ESRP1: variants seen among roughly 807,000 people sequenced by gnomAD.
The protein encoded by ESRP1 is epithelial splicing regulatory protein 1.
In ESRP1, 33 loss-of-function variants were observed where a neutral mutation model predicts 81.7. The observed-to-expected ratio is 0.40, with a 90% CI of 0.31 to 0.54. ESRP1 has a LOEUF of 0.54. Ranked by LOEUF, ESRP1 falls within the 20% of genes least tolerant of loss-of-function variation. The pLI, the probability that ESRP1 is intolerant of heterozygous loss-of-function variation, is 0.41. For missense variants in ESRP1, 672 were observed against 833.1 expected (o/e 0.81, Z 2.38); for synonymous variants, 320 against 303.3 (o/e 1.06, Z -0.57).
chr8:94,664,206 C>T (rs1818899263), intron 6 of ESRP1, among the ~76,000 whole-genome samples: 1 of 149,164 alleles, frequency 6.7e-6, no homozygotes. Context: ...TCACTGCAGC[C>T]TCCACCTCCC....
chr8:94,644,113 C>T (rs544359321), intron 3 of ESRP1, among the ~76,000 whole-genome samples: 4 of 152,250 alleles, frequency 2.6e-5, no homozygotes, highest in South Asian at 2.1e-4. Context: ...GAGAGAAATA[C>T]AGTCTTACTA....
At chr8:94,645,442 AG>A (rs1161255208) in intron 3 of ESRP1, among the ~76,000 whole-genome samples, 1 of 151,774 alleles carries the variant, frequency 6.6e-6, no homozygotes, top group Non-Finnish European at 1.5e-5. Context: ...AAAAAAACAA[AG>A]GAAACAATAG....
intron 10 of ESRP1, among the ~76,000 whole-genome samples, chr8:94,671,031 GA>G (rs1819292665): frequency 6.6e-6 from 1 of 152,180 alleles, no homozygotes; most frequent in South Asian, 2.1e-4. Flanking sequence ...TGTACTTAGT[GA>G]AATGATATAT....
intron 13 of ESRP1, among the ~76,000 whole-genome samples, chr8:94,680,999 T>C (rs66850135): frequency 0.35 from 53,388 of 151,182 alleles, 9,909 homozygotes; most frequent in East Asian, 0.57. Flanking sequence ...AGCCAGTAGT[T>C]AGACACCAGC....
intron 13 of ESRP1, among the ~76,000 whole-genome samples, chr8:94,688,775 A>T: frequency 6.6e-6 from 1 of 152,232 alleles, no homozygotes; most frequent in African/African-American, 2.4e-5. Context: ...GCTTTGTAGT[A>T]TGTTTTGAAT....
chr8:94,666,920 G>GGGCT (rs1189096911), intron 9 of ESRP1, among the ~76,000 whole-genome samples: 3 of 152,088 alleles, frequency 2.0e-5, no homozygotes, highest in African/African-American at 7.2e-5. Flanking sequence ...TTGCTATTAG[G>GGGCT]GGCTGGGCTT....
At chr8:94,665,080 C>A (rs1380058486) in intron 8 of ESRP1, 21 bp downstream of exon 8, 20 of 1,613,696 alleles carry the variant, frequency 1.2e-5, no homozygotes, top group Non-Finnish European at 1.7e-5. Context: ...AAAACCTGAA[C>A]CCCTGGACAT....
chr8:94,644,173 G>T (rs1817738986), intron 3 of ESRP1, among the ~76,000 whole-genome samples: 1 of 152,192 alleles, frequency 6.6e-6, no homozygotes, highest in African/African-American at 2.4e-5. Context: ...GGGGCTGTGG[G>T]AAAAGGAACA....
At chr8:94,705,720 A>G in intron 15 of ESRP1, 1 of 548,736 alleles carries the variant, frequency 1.8e-6, no homozygotes, top group Non-Finnish European at 3.2e-6. Flanking sequence ...TAAACCATGG[A>G]AACTTCCTTG....
At chr8:94,664,124 T>TC (rs1445867326) in intron 6 of ESRP1, among the ~76,000 whole-genome samples, 2 of 138,968 alleles carry the variant, frequency 1.4e-5, no homozygotes, top group African/African-American at 5.1e-5. Context: ...CCTCAGCTTT[T>TC]TTTTTTTTTT....
chr8:94,706,013 C>CTGCAGCCTG lies in ESRP1; in HGVS notation c.*124_*125insTGCAGCCTG. The stretch of plus-strand genomic sequence containing the variant: ...GGGAAGTTTGTCTACACTCAGGCTG[C>CTGCAGCCTG]AGTATTTTCAGCAAACTTGATTGGA... On this transcript the variant is annotated 3_prime_UTR_variant, in exon 16 of 16. Coordinates refer to ENST00000433389, the MANE Select transcript of ESRP1 (RefSeq NM_017697.4). The CTGCAGCCTG allele has an allele frequency of 1.4e-6, 2 of 1,425,906 alleles. No individual in the cohort carries two copies. Among genetic ancestry groups the CTGCAGCCTG allele is most frequent in the Non-Finnish European group, 1.9e-6 (2 of 1,059,054 alleles). 88.3% of individuals were successfully genotyped at this position (1,425,906 alleles called of 1,614,324 possible).
chr8:94,704,717 C>T (rs1011817724), intron 15 of ESRP1, among the ~76,000 whole-genome samples: 2 of 145,030 alleles, frequency 1.4e-5, no homozygotes, highest in Non-Finnish European at 3.0e-5. Context: ...GCTCTGATCT[C>T]ACCACTGTAC....
chr8:94,651,008 G>GT (rs1818098395), intron 4 of ESRP1, among the ~76,000 whole-genome samples: 1 of 152,088 alleles, frequency 6.6e-6, no homozygotes, highest in South Asian at 2.1e-4. Context: ...CCTAGCCTAG[G>GT]TTTTTTATTT....
At chr8:94,641,709 G>A in intron 1 of ESRP1, 5 of 688,514 alleles carry the variant, frequency 7.3e-6, no homozygotes, top group Middle Eastern at 4.5e-4. Flanking sequence ...GTCGGGGGAC[G>A]CTCCGCCGAG....
chr8:94,647,215 T>C (rs1817897656), intron 4 of ESRP1, among the ~76,000 whole-genome samples: 2 of 152,222 alleles, frequency 1.3e-5, no homozygotes, highest in Non-Finnish European at 2.9e-5. Context: ...TCATTTGCCT[T>C]CTTCTTGGAG....
At position 94,671,462 on chromosome 8, in the gene ESRP1, C is replaced by A. The variant is rs746015938; in HGVS notation, c.1243C>A (p.Arg415=). ...TAAEVQQVLN[R]FSSAPLIPLP... ...TTTGCTTTGAGTACAGGTGCTGAATCGATTCTCCTCGGCCCCTCTCATTCC... is the reference window on the plus strand; with the variant it reads ...TTTGCTTTGAGTACAGGTGCTGAATAGATTCTCCTCGGCCCCTCTCATTCC... The change falls in exon 11 of 16, where the codon CGA becomes AGA. Residue 415 remains arginine (R), a synonymous_variant. Coordinates refer to ENST00000433389, the MANE Select transcript of ESRP1 (RefSeq NM_017697.4). The A allele has an allele frequency of 6.8e-6, 11 of 1,612,462 alleles. No homozygotes were observed. The African/African-American group carries it at 1.5e-4, about 22-fold the overall frequency.
chr8:94,656,391 TG>T (rs1002901314), intron 4 of ESRP1, among the ~76,000 whole-genome samples: 2 of 149,854 alleles, frequency 1.3e-5, no homozygotes, highest in Admixed American at 1.3e-4. Flanking sequence ...GCTAATTTTT[TG>T]TATTTTTTTA....
intron 15 of ESRP1, among the ~76,000 whole-genome samples, chr8:94,701,604 T>C (rs929181044): frequency 2.0e-5 from 3 of 147,866 alleles, no homozygotes; most frequent in Admixed American, 6.6e-5. Context: ...CTTTTTCTTT[T>C]TTTTTTCTTT....
At chr8:94,667,068 GGTGTGT>G (rs1163646804) in intron 9 of ESRP1, among the ~76,000 whole-genome samples, 5 of 144,244 alleles carry the variant, frequency 3.5e-5, no homozygotes, top group East Asian at 2.0e-4. Context: ...CCAGGAGAGG[GGTGTGT>G]GTGTGTGTGT....
Sources: gnomAD v4.1 joint callset for allele counts (sites outside exome capture counted in the v4.1 genomes callset) on GRCh38, gnomAD v4.1.1 for gene constraint, MANE v1.5 for transcripts, NCBI Gene and HGNC (gene_info 2026-07-23, HGNC 2026-07-21) for gene names.